Variants in ZFHX3 observed in about 807,000 individuals in gnomAD.
The protein encoded by ZFHX3 is zinc finger homeobox 3, also known as zinc finger homeobox protein 3.
ZFHX3 carries 42 observed loss-of-function variants against 279.1 expected under a neutral mutation model. The observed-to-expected ratio is 0.15, with a 90% CI of 0.12 to 0.19. ZFHX3 has a LOEUF of 0.19. ZFHX3 is among the 10% of genes least tolerant of loss of function. The pLI is 1.00. For missense variants in ZFHX3, 4,981 were observed against 4,754.0 expected (o/e 1.05, Z -1.40); for synonymous variants, 2,293 against 1,957.8 (o/e 1.17, Z -4.52).
At chr16:73,682,904 A>G (rs201677525) in intron 1 of ZFHX3, among the ~76,000 whole-genome samples, 2,604 of 44,288 alleles carry the variant, frequency 0.059, 196 homozygotes, top group South Asian at 0.14. Context: ...GAAAGAAAGA[A>G]AGAGAAAGAA....
intron 3 of ZFHX3, among the ~76,000 whole-genome samples, chr16:72,934,616 C>T (rs752348991): frequency 2.0e-5 from 3 of 152,206 alleles, no homozygotes; most frequent in Non-Finnish European, 2.9e-5. Context: ...CCCCTCCCTC[C>T]CAGAGGTCTT....
At chr16:72,833,564 A>G (rs1323357677) in intron 4 of ZFHX3, among the ~76,000 whole-genome samples, 1 of 152,200 alleles carries the variant, frequency 6.6e-6, no homozygotes. Flanking sequence ...TTAAGGCTGA[A>G]ACAGACAAAT....
intron 8 of ZFHX3, among the ~76,000 whole-genome samples, chr16:73,077,404 A>G (rs1965897081): frequency 6.6e-6 from 1 of 151,880 alleles, no homozygotes; most frequent in African/African-American, 2.4e-5. Context: ...GACACTGCGC[A>G]CTTCCCTGTT....
intron 7 of ZFHX3, chr16:72,806,151 G>A (rs1422662728): frequency 6.6e-6 from 1 of 152,088 alleles, no homozygotes; most frequent in Non-Finnish European, 1.5e-5. Context: ...TTCCCACTTT[G>A]GCCTCCTTGT....
At chr16:72,891,473 C>A (rs1341924988) in intron 3 of ZFHX3, among the ~76,000 whole-genome samples, 1 of 152,072 alleles carries the variant, frequency 6.6e-6, no homozygotes, top group Non-Finnish European at 1.5e-5. Context: ...AGCTATGGAC[C>A]CTTTTTGACT....
chr16:72,849,860 CAAAAAAAAAAAAAAAAAAAAAAAAAAAA>C (rs542156633), intron 4 of ZFHX3, among the ~76,000 whole-genome samples: 65 of 56,564 alleles, frequency 1.1e-3, no homozygotes, highest in African/African-American at 4.0e-3. Flanking sequence ...GTTCACCTAC[CAAAAAAAAAAAAAAAAAAAAAAAAAAAA>C]AAAAAAAAAA....
At chr16:73,180,250 T>C (rs1289661660) in intron 5 of ZFHX3, among the ~76,000 whole-genome samples, 2 of 152,216 alleles carry the variant, frequency 1.3e-5, no homozygotes, top group East Asian at 3.9e-4. Context: ...GATCCAAATA[T>C]TTGTAGGGAA....
chr16:73,704,762 T>A (rs185601037), intron 1 of ZFHX3, among the ~76,000 whole-genome samples: 22 of 152,340 alleles, frequency 1.4e-4, no homozygotes, highest in African/African-American at 5.3e-4. Context: ...AAGAATGATT[T>A]GTGATCAAGC....
chr16:73,522,308 T>C (rs1008725902), intron 2 of ZFHX3, among the ~76,000 whole-genome samples: 5 of 152,196 alleles, frequency 3.3e-5, no homozygotes, highest in African/African-American at 9.7e-5. Flanking sequence ...TGAAGCATTA[T>C]TGTGAAGATG....
chr16:72,786,911 G>A lies in ZFHX3; in HGVS notation c.*253C>T, dbSNP rs2035402403. The A allele has an allele frequency of 8.3e-6, 2 of 241,088 alleles. No homozygotes were observed. Among genetic ancestry groups the A allele is most frequent in the Non-Finnish European group, 1.5e-5 (2 of 135,380 alleles). The allele number at this position is 241,088 out of a possible 1,614,324, so 14.9% of individuals were successfully genotyped here. The stretch of plus-strand genomic sequence containing the variant: ...CCCAGACCAATAGTACCTTCAAAAG[G>A]ACACAATGTAACAGGGTTAGGGCTT... On this transcript the variant is annotated 3_prime_UTR_variant, in exon 10 of 10. Coordinates refer to ENST00000268489, the MANE Select transcript of ZFHX3 (RefSeq NM_006885.4).
chr16:73,886,295 T>G (rs753358208), intron 1 of ZFHX3, among the ~76,000 whole-genome samples: 7 of 151,964 alleles, frequency 4.6e-5, no homozygotes, highest in Non-Finnish European at 7.4e-5. Flanking sequence ...ATTATCAAAT[T>G]TTAAGAGGGA....
intron 1 of ZFHX3, among the ~76,000 whole-genome samples, chr16:73,782,484 C>T (rs1219130400): frequency 2.6e-5 from 4 of 152,192 alleles, no homozygotes; most frequent in Admixed American, 2.6e-4. Flanking sequence ...TTGAAGGACG[C>T]TTCAAGCCTA....
rs200658548 is a variant in ZFHX3 at position 73,759,506 on chromosome 16, GA to G, written c.-1607-79267del. On this transcript the variant is annotated intron_variant, in intron 1 of 17. Coordinates refer to the ZFHX3 transcript ENST00000641206. ...CCTGCTAAAAATTCTTGTTAAATAGGAAAGACAGAGAGCTATCCCTGAAACC... is the reference window on the plus strand; with the variant it reads ...CCTGCTAAAAATTCTTGTTAAATAGGAAGACAGAGAGCTATCCCTGAAACC... Among the ~76,000 whole-genome samples the G allele has an allele frequency of 1.2e-3, 183 of 152,282 alleles. 2 individuals carry two copies. Among genetic ancestry groups the G allele is most frequent in the African/African-American group, 4.0e-3 (165 of 41,566 alleles).
At chr16:73,293,651 G>A (rs569003473) in intron 4 of ZFHX3, among the ~76,000 whole-genome samples, 1 of 152,336 alleles carries the variant, frequency 6.6e-6, no homozygotes, top group East Asian at 1.9e-4. Context: ...CAAAGAGACA[G>A]ACTAAAGCCC....
chr16:73,702,171 C>A (rs1321877585), intron 1 of ZFHX3, among the ~76,000 whole-genome samples: 2 of 152,110 alleles, frequency 1.3e-5, no homozygotes, highest in South Asian at 2.1e-4. Context: ...ACCCCCCACC[C>A]TCCCCGTTCA....
intron 2 of ZFHX3, among the ~76,000 whole-genome samples, chr16:73,658,502 C>G (rs1307714018): frequency 6.6e-6 from 1 of 152,122 alleles, no homozygotes; most frequent in African/African-American, 2.4e-5. Flanking sequence ...AGGTTTTCAC[C>G]ATGTTGGCTA....
At chr16:73,578,915 G>A (rs868084059) in intron 2 of ZFHX3, among the ~76,000 whole-genome samples, 3 of 152,056 alleles carry the variant, frequency 2.0e-5, no homozygotes, top group Non-Finnish European at 4.4e-5. Context: ...TCTCCTCTCC[G>A]CCAGGGGCAT....
upstream of ZFHX3, among the ~76,000 whole-genome samples, chr16:73,063,200 T>TA (rs1965707958): frequency 6.6e-6 from 1 of 152,172 alleles, no homozygotes; most frequent in South Asian, 2.1e-4. Flanking sequence ...AGGAAAGGGT[T>TA]AAGCTGCCCG....
chr16:72,847,637 A>G lies in ZFHX3; in HGVS notation c.3449-17778T>C, dbSNP rs1344681797. Among the ~76,000 whole-genome samples, 4 of 152,224 alleles carry G rather than the reference A, an allele frequency of 2.6e-5. No individual in the cohort carries two copies. The East Asian group carries it at 7.8e-4, about 30-fold the overall frequency. On this transcript the variant is annotated intron_variant, in intron 4 of 9. Coordinates refer to ENST00000268489, the MANE Select transcript of ZFHX3 (RefSeq NM_006885.4). ...CAGGATAAAGAAGGGGAGGGGTGGC[A>G]GGTAAAGGGAATCTCCCCAGAGGAG...
Sources: allele counts gnomAD v4.1 joint callset (sites outside exome capture counted in the v4.1 genomes callset), GRCh38; gene constraint gnomAD v4.1.1; transcripts MANE v1.5; gene names NCBI Gene and HGNC (gene_info 2026-07-23, HGNC 2026-07-21).